Variants in CD6 observed in about 807,000 individuals in gnomAD.
CD6 encodes T-cell differentiation antigen CD6.
A neutral mutation model predicts 75.3 loss-of-function variants in CD6; 53 were observed. The observed-to-expected ratio is 0.70, with a 90% CI of 0.56 to 0.88. CD6 has a LOEUF of 0.88. Among genes scored for constraint, CD6 ranks in the 40% least tolerant of loss-of-function variants. CD6 has a pLI of 0.00. For missense variants in CD6, 770 were observed against 897.1 expected (o/e 0.86, Z 1.81); for synonymous variants, 359 against 381.5 (o/e 0.94, Z 0.69).
At chr11:61,016,200 C>T (rs1048040109) in intron 9 of CD6, among the ~76,000 whole-genome samples, 1 of 152,144 alleles carries the variant, frequency 6.6e-6, no homozygotes, top group African/African-American at 2.4e-5. Flanking sequence ...CATGCCATAT[C>T]CCTCCGTGTC....
intron 1 of CD6, among the ~76,000 whole-genome samples, chr11:61,000,364 C>T (rs149157508): frequency 6.6e-6 from 1 of 152,262 alleles, no homozygotes; most frequent in Non-Finnish European, 1.5e-5. Context: ...CACCTGGCTG[C>T]ACCACTTGTA....
intron 1 of CD6, among the ~76,000 whole-genome samples, chr11:60,979,516 G>A (rs1414605892): frequency 2.6e-4 from 40 of 151,710 alleles, no homozygotes; most frequent in Non-Finnish European, 1.5e-5. Context: ...ACCCAAGCTG[G>A]AGTGCAATGC....
chr11:61,005,982 A>C (rs993641851), intron 1 of CD6, among the ~76,000 whole-genome samples: 3 of 152,182 alleles, frequency 2.0e-5, no homozygotes, highest in Admixed American at 2.0e-4. Context: ...AATATATGCA[A>C]ATATGCAAAT....
intron 1 of CD6, among the ~76,000 whole-genome samples, chr11:60,996,401 A>G (rs1858295882): frequency 6.6e-6 from 1 of 152,166 alleles, no homozygotes; most frequent in African/African-American, 2.4e-5. Context: ...CTAGGAGTCC[A>G]TCTGGCTGCT....
In CD6 at chr11:61,009,569, C is replaced by A. The variant is rs375012144; in HGVS notation, c.782-3C>A. The A allele has an allele frequency of 3.1e-6, 5 of 1,594,106 alleles. No homozygotes were observed. The African/African-American group carries it at 5.4e-5, about 17-fold the overall frequency. Reference sequence around the variant, plus strand: ...GACTCTGTCCCCTGCCCCTTCCCTGCAGAGCACCAGTCCTGGCGCCTGACA... The same window carrying A: ...GACTCTGTCCCCTGCCCCTTCCCTGAAGAGCACCAGTCCTGGCGCCTGACA... On this transcript the variant is annotated splice_polypyrimidine_tract_variant and splice_region_variant and intron_variant, in intron 4 of 12. Transcript: ENST00000313421.
chr11:60,999,367 A>G (rs986505122), intron 1 of CD6, among the ~76,000 whole-genome samples: 2 of 150,730 alleles, frequency 1.3e-5, no homozygotes, highest in Non-Finnish European at 2.9e-5. Context: ...CAGGATAGCT[A>G]TGTAATTAAA....
intron 1 of CD6, among the ~76,000 whole-genome samples, chr11:60,985,731 GC>G (rs1223761330): frequency 1.3e-5 from 2 of 152,188 alleles, no homozygotes; most frequent in Admixed American, 1.3e-4. Flanking sequence ...GCCAAGACAG[GC>G]AGGTTGCTTG....
chr11:60,985,832 A>T (rs989224812), intron 1 of CD6, among the ~76,000 whole-genome samples: 4 of 152,370 alleles, frequency 2.6e-5, no homozygotes, highest in African/African-American at 9.6e-5. Context: ...GGTGTTAAAG[A>T]CTAAGTAGCA....
rs1426931924 is a variant in CD6, at chr11:61,018,294, C to A, written c.1843C>A (p.Pro615Thr). Reference sequence around the variant, plus strand: ...CTGGTTCTGGGGGTTTCCAGCAGGGCCCCCGGCTGATGACAGCTCCAGCAC... The same window carrying A: ...CTGGTTCTGGGGGTTTCCAGCAGGGACCCCGGCTGATGACAGCTCCAGCAC... The part of the protein sequence containing the change: ...AGTQPAFSAG[P>T]PADDSSSTSS... Residue 615 changes from proline (P) to threonine (T), a missense_variant, in exon 12 of 13, where the codon CCC (proline) becomes ACC (threonine). Coordinates refer to ENST00000313421, the MANE Select transcript of CD6 (RefSeq NM_006725.5). The A allele has an allele frequency of 3.1e-6, 5 of 1,596,690 alleles. No individual in the cohort carries two copies. Among genetic ancestry groups the A allele is most frequent in the East Asian group, 2.3e-5 (1 of 44,274 alleles).
chr11:60,980,930 G>A (rs1338838338), intron 1 of CD6, among the ~76,000 whole-genome samples: 3 of 152,160 alleles, frequency 2.0e-5, no homozygotes, highest in African/African-American at 7.2e-5. Context: ...CGGCTGAGGG[G>A]AGGTGCTGAC....
intron 3 of CD6, chr11:61,008,250 T>G: frequency 2.1e-6 from 1 of 486,112 alleles, no homozygotes. Flanking sequence ...TTTCGCCATA[T>G]ACATAAACAT....
chr11:60,995,228 TC>T (rs1326351095), intron 1 of CD6, among the ~76,000 whole-genome samples: 2 of 150,578 alleles, frequency 1.3e-5, no homozygotes, highest in Non-Finnish European at 3.0e-5. Context: ...CACTGCAACC[TC>T]CCCCTCCCGG....
At chr11:61,018,552 G>A (rs958926879) in intron 12 of CD6, 159 bp downstream of exon 12, 1 of 621,602 alleles carries the variant, frequency 1.6e-6, no homozygotes, top group Non-Finnish European at 2.8e-6. Flanking sequence ...AGCAAGGCCA[G>A]GCATGGTAGC....
At chr11:60,992,393 G>A (rs951603659) in intron 1 of CD6, among the ~76,000 whole-genome samples, 5 of 151,604 alleles carry the variant, frequency 3.3e-5, no homozygotes, top group Admixed American at 6.6e-5. Context: ...GAAGAGATTC[G>A]CCCAGGGTCA....
chr11:60,980,327 A>ACC (rs33987300), intron 1 of CD6, among the ~76,000 whole-genome samples: 2,330 of 151,796 alleles, frequency 0.015, 61 homozygotes, highest in African/African-American at 0.053. Context: ...ACATAGTGTG[A>ACC]CCCCCACGTT....
At position 61,020,345 on chromosome 11, in the gene CD6, T is replaced by C. The variant is rs1259197165; in HGVS notation, c.*1027T>C. ...CCAGGCTTTGTTGTCCTGCTCTGAG[T>C]ATCCTGAGATTAAACTGAATTGCTG... On this transcript the variant is annotated 3_prime_UTR_variant, in exon 13 of 13. Coordinates refer to ENST00000313421, the MANE Select transcript of CD6 (RefSeq NM_006725.5). 2 of 398,838 alleles carry C rather than the reference T, an allele frequency of 5.0e-6. No individual in the cohort carries two copies. The highest frequency in any genetic ancestry group is 3.6e-5 in the East Asian group (1 of 28,088). 24.7% of individuals were successfully genotyped at this position (398,838 alleles called of 1,614,324 possible).
intron 1 of CD6, among the ~76,000 whole-genome samples, chr11:60,997,235 A>T (rs1858341981): frequency 6.6e-6 from 1 of 152,080 alleles, no homozygotes; most frequent in Non-Finnish European, 1.5e-5. Flanking sequence ...AAAAGTAGCC[A>T]GGCATGGTGG....
intron 1 of CD6, among the ~76,000 whole-genome samples, chr11:60,980,062 A>G (rs935238987): frequency 6.6e-6 from 1 of 152,292 alleles, no homozygotes; most frequent in South Asian, 2.1e-4. Context: ...TGAGGCTCAG[A>G]AAGTTATGTA....
intron 10 of CD6, 61 bp downstream of exon 10, chr11:61,017,611 A>G: frequency 1.3e-6 from 2 of 1,564,254 alleles, no homozygotes; most frequent in Non-Finnish European, 1.8e-6. Flanking sequence ...AGCTCAGCTC[A>G]GCTTGAGACC....
Sources: gnomAD v4.1 joint callset for allele counts (sites outside exome capture counted in the v4.1 genomes callset) on GRCh38, gnomAD v4.1.1 for gene constraint, MANE v1.5 for transcripts, NCBI Gene and HGNC (gene_info 2026-07-23, HGNC 2026-07-21) for gene names.